The following NEBL variants were observed in gnomAD, a reference collection of about 807,000 sequenced individuals.
The protein encoded by NEBL is nebulette.
In NEBL, 122 loss-of-function variants were observed where a neutral mutation model predicts 140.2. The observed-to-expected ratio is 0.87, with a 90% CI of 0.75 to 1.01. The LOEUF is 1.01. Among genes scored for constraint, NEBL ranks in the 50% least tolerant of loss-of-function variants. The pLI, the probability that NEBL is intolerant of heterozygous loss-of-function variation, is 0.00. For synonymous variants in NEBL, 436 were observed against 398.9 expected, an observed-to-expected ratio of 1.09 and a Z score of -1.11; for missense variants, 1,365 against 1,231.3, an observed-to-expected ratio of 1.11 and a Z score of -1.62.
At chr10:21,028,235 C>CAAAAAAAAAAA (rs1168946872) in intron 2 of NEBL, among the ~76,000 whole-genome samples, 10 of 66,208 alleles carry the variant, frequency 1.5e-4, no homozygotes, top group Non-Finnish European at 2.3e-4. Context: ...TCAAACATCT[C>CAAAAAAAAAAA]AAAAAAAAAA....
intron 18 of NEBL, among the ~76,000 whole-genome samples, chr10:20,824,028 C>A (rs1839608012): frequency 6.6e-6 from 1 of 152,018 alleles, no homozygotes; most frequent in African/African-American, 2.4e-5. Flanking sequence ...ATCAATCAGG[C>A]AAATGGTAAT....
At chr10:20,888,066 A>G (rs1564422536) in intron 4 of NEBL, 31 bp downstream of exon 4, 1 of 1,439,586 alleles carries the variant, frequency 6.9e-7, no homozygotes, top group Non-Finnish European at 9.8e-7. Flanking sequence ...TTTTATCTAC[A>G]AAATCATGAA....
At chr10:20,946,139 G>A (rs1019073581) in intron 4 of NEBL, among the ~76,000 whole-genome samples, 1 of 152,170 alleles carries the variant, frequency 6.6e-6, no homozygotes, top group African/African-American at 2.4e-5. Context: ...GCCCCTGCTT[G>A]AGTCTTGAAC....
At chr10:21,053,384 T>A (rs1411468275) in intron 2 of NEBL, among the ~76,000 whole-genome samples, 1 of 152,172 alleles carries the variant, frequency 6.6e-6, no homozygotes, top group Non-Finnish European at 1.5e-5. Context: ...TGCATACTCA[T>A]CCACACTCAC....
chr10:21,096,488 A>ACTGTGT (rs748408440), intron 2 of NEBL, among the ~76,000 whole-genome samples: 1 of 141,482 alleles, frequency 7.1e-6, no homozygotes, highest in Non-Finnish European at 1.6e-5. Context: ...CTTGGTTTTG[A>ACTGTGT]GTGTGTGTGT....
chr10:21,250,574 G>A (rs1334085821), intron 2 of NEBL, among the ~76,000 whole-genome samples: 3 of 151,880 alleles, frequency 2.0e-5, no homozygotes, highest in Admixed American at 6.6e-5. Context: ...CTCTATAAAT[G>A]TCCTTTATGA....
intron 2 of NEBL, among the ~76,000 whole-genome samples, chr10:21,136,194 C>T (rs1328668566): frequency 6.6e-6 from 1 of 152,194 alleles, no homozygotes; most frequent in Non-Finnish European, 1.5e-5. Flanking sequence ...GAGACTGATA[C>T]AATCCAAGTT....
At chr10:21,202,455 C>CTTT (rs1589327058) in intron 3 of NEBL, among the ~76,000 whole-genome samples, 3 of 125,412 alleles carry the variant, frequency 2.4e-5, no homozygotes, top group African/African-American at 9.8e-5. Flanking sequence ...TTTTTCTTTT[C>CTTT]TTTTTCTTTT....
rs551857788 is a variant in NEBL, at chr10:21,098,381, C to T, written c.164+74002G>A. 1.8e-4 allele frequency among the ~76,000 whole-genome samples: 28 copies of T among 152,312 alleles called. 1 individual carries two copies. In the South Asian group the frequency reaches 5.8e-3, roughly 32 times the overall value. ...CAGCCCTACAACTCTTCCTATCACA[C>T]AGCAGGTCATCAATAAATGCTCATT... On this transcript the variant is annotated intron_variant, in intron 2 of 6. Transcript: ENST00000417816.
rs181026408 is a variant in NEBL at position 20,998,177 on chromosome 10, A to G, written c.249+21940T>C. On this transcript the variant is annotated intron_variant, in intron 3 of 6. Coordinates refer to the NEBL transcript ENST00000417816. ...GTCATAATAATGACAATGCTGAGAT[A>G]GCTAATAAGAAACATCTCAGGCTTT... 1.6e-4 allele frequency among the ~76,000 whole-genome samples: 24 copies of G among 152,336 alleles called. No individual in the cohort carries two copies. In the East Asian group the frequency reaches 4.4e-3, roughly 28 times the overall value.
intron 1 of NEBL, among the ~76,000 whole-genome samples, chr10:21,271,616 C>T (rs1842861360): frequency 6.6e-6 from 1 of 151,482 alleles, no homozygotes. Context: ...ACCTCCACCT[C>T]CCAGGTTCAA....
chr10:21,169,411 G>A (rs1006513830), intron 2 of NEBL, among the ~76,000 whole-genome samples: 4 of 151,938 alleles, frequency 2.6e-5, no homozygotes, highest in East Asian at 1.9e-4. Flanking sequence ...CCATTGACCC[G>A]GAGAAATTAT....
intron 2 of NEBL, among the ~76,000 whole-genome samples, chr10:21,071,061 G>A (rs1835796134): frequency 6.6e-6 from 1 of 151,704 alleles, no homozygotes; most frequent in African/African-American, 2.4e-5. Flanking sequence ...TAGCCCAGCT[G>A]CTTAGGAGGC....
chr10:21,141,603 C>T (rs1377156954), intron 2 of NEBL, among the ~76,000 whole-genome samples: 1 of 152,080 alleles, frequency 6.6e-6, no homozygotes, highest in East Asian at 1.9e-4. Flanking sequence ...CACCCTTGAA[C>T]ATCAAAAATC....
rs59942130 is a variant in NEBL at position 20,909,260 on chromosome 10, T to TA, written c.357+52411dup. On this transcript the variant is annotated intron_variant, in intron 4 of 6. Transcript: ENST00000417816. ...TCGTTCATTCTATTTTTTTTTTTTT[T>TA]ACCCTTTAACAGTTCCTACCTCCCC... Among the ~76,000 whole-genome samples the TA allele has an allele frequency of 4.6e-5, 7 of 151,534 alleles. No individual in the cohort carries two copies. The East Asian group carries it at 9.7e-4, about 21-fold the overall frequency.
intron 3 of NEBL, among the ~76,000 whole-genome samples, chr10:21,227,561 C>A (rs1362605874): frequency 6.6e-6 from 1 of 152,212 alleles, no homozygotes; most frequent in Non-Finnish European, 1.5e-5. Flanking sequence ...TAAGCCAGTT[C>A]CCCCAGGTCA....
intron 4 of NEBL, among the ~76,000 whole-genome samples, chr10:20,932,143 C>T (rs1834220143): frequency 1.3e-5 from 2 of 152,150 alleles, no homozygotes; most frequent in South Asian, 4.2e-4. Context: ...TTCCAGTGGC[C>T]ACCAGCTTAG....
rs181357587 is a variant in NEBL, at chr10:21,131,872, T to C, written c.164+40511A>G. On this transcript the variant is annotated intron_variant, in intron 2 of 6. Transcript: ENST00000417816. ...CAAAGTGAAATTGGTAAAAGTTTCC[T>C]GCTGTTGTATTTTTTGAATGGTCAA... 3.9e-5 allele frequency among the ~76,000 whole-genome samples: 6 copies of C among 152,344 alleles called. No homozygotes were observed. In the East Asian group the frequency reaches 1.2e-3, roughly 29 times the overall value.
intron 3 of NEBL, among the ~76,000 whole-genome samples, chr10:20,968,493 A>C (rs752176782): frequency 1.3e-5 from 2 of 152,210 alleles, no homozygotes; most frequent in Non-Finnish European, 2.9e-5. Context: ...CCTGGGCAAC[A>C]GAGCAAGACC....
Sources: gnomAD v4.1 joint callset for allele counts (sites outside exome capture counted in the v4.1 genomes callset) on GRCh38, gnomAD v4.1.1 for gene constraint, MANE v1.5 for transcripts, NCBI Gene and HGNC (gene_info 2026-07-23, HGNC 2026-07-21) for gene names.